ATP6V1E2: variants seen among roughly 807,000 people sequenced by gnomAD.
The protein encoded by ATP6V1E2 is V-type proton ATPase subunit E 2.
For missense variants in ATP6V1E2, 308 were observed against 273.3 expected (o/e 1.13, Z -0.90); for synonymous variants, 121 against 104.2 (o/e 1.16, Z -0.98).
chr2:46,517,582 A>G (rs1358791259), intron 4 of ATP6V1E2, among the ~76,000 whole-genome samples: 3 of 152,264 alleles, frequency 2.0e-5, no homozygotes, highest in Non-Finnish European at 4.4e-5. Context: ...CAAACCGTAT[A>G]TCTCATAAGA....
At chr2:46,527,829 T>A (rs1666998116) in intron 4 of ATP6V1E2, 1 of 152,252 alleles carries the variant, frequency 6.6e-6, no homozygotes, top group Non-Finnish European at 1.5e-5. Flanking sequence ...CTTATCTTCT[T>A]TGGAAACTGT....
chr2:46,534,225 GTTTCT>G (rs1456677181), intron 4 of ATP6V1E2: 2 of 152,076 alleles, frequency 1.3e-5, no homozygotes, highest in Admixed American at 6.5e-5. Context: ...GTGTTTCTGT[GTTTCT>G]TTTGTTTCCT....
In ATP6V1E2 at chr2:46,512,275, G is replaced by A. The variant is rs1412365146; in HGVS notation, c.437C>T (p.Ala146Val). Residue 146 changes from alanine to valine, a missense_variant, in exon 5 of 5, where the codon GCT (alanine) becomes GTT (valine). Ala to Val is a moderately conservative substitution (Grantham distance 64). Coordinates refer to ENST00000522587, the MANE Select transcript of ATP6V1E2 (RefSeq NM_001318063.2). ...CRPQDLLLVEAAVQKAIPEYM... is the reference protein window; with the variant it reads ...CRPQDLLLVEVAVQKAIPEYM... The stretch of plus-strand genomic sequence containing the variant: ...CTCGGGGATGGCTTTTTGTACAGCA[G>A]CCTCCACCAGGAGGAGGTCTTGTGG... The A allele has an allele frequency of 6.2e-7, 1 of 1,612,022 alleles. No homozygotes were observed. The highest frequency in any genetic ancestry group is 8.5e-7 in the Non-Finnish European group (1 of 1,178,766).
chr2:46,532,494 A>G (rs924589742), intron 4 of ATP6V1E2, among the ~76,000 whole-genome samples: 16 of 152,078 alleles, frequency 1.1e-4, no homozygotes, highest in African/African-American at 3.6e-4. Flanking sequence ...TATAGTTTGA[A>G]TGTATGTGTC....
chr2:46,516,845 A>G (rs1292688669), intron 4 of ATP6V1E2, among the ~76,000 whole-genome samples: 1 of 152,208 alleles, frequency 6.6e-6, no homozygotes, highest in Non-Finnish European at 1.5e-5. Flanking sequence ...AAACAAATAA[A>G]TGGAAAGACA....
At chr2:46,516,508 C>T (rs1285630422) in intron 4 of ATP6V1E2, among the ~76,000 whole-genome samples, 1 of 152,126 alleles carries the variant, frequency 6.6e-6, no homozygotes, top group African/African-American at 2.4e-5. Context: ...AAGCAGGAAT[C>T]GCTTGAACCT....
At chr2:46,518,778 G>GTC (rs1444983652) in intron 4 of ATP6V1E2, among the ~76,000 whole-genome samples, 1 of 35,790 alleles carries the variant, frequency 2.8e-5, no homozygotes, top group Non-Finnish European at 5.9e-5. Context: ...GTGTGTGTGT[G>GTC]TGTGTGTGTG....
chr2:46,525,461 C>CA (rs57428249), intron 4 of ATP6V1E2, among the ~76,000 whole-genome samples: 3,002 of 56,054 alleles, frequency 0.054, 173 homozygotes, highest in African/African-American at 0.18. Flanking sequence ...GACTCCGTCT[C>CA]AAAAAAAAAA....
At chr2:46,541,065 C>T (rs1412162983) in intron 2 of ATP6V1E2, among the ~76,000 whole-genome samples, 1 of 152,200 alleles carries the variant, frequency 6.6e-6, no homozygotes, top group Admixed American at 6.5e-5. Context: ...GCTGAGTGCT[C>T]TCCTTTTCAA....
intron 2 of ATP6V1E2, among the ~76,000 whole-genome samples, chr2:46,540,281 G>C (rs1003321262): frequency 1.3e-5 from 2 of 151,916 alleles, no homozygotes; most frequent in Admixed American, 1.3e-4. Context: ...AATTAGCTAG[G>C]CATGATGGCA....
At chr2:46,528,632 G>T (rs1184692992) in intron 4 of ATP6V1E2, among the ~76,000 whole-genome samples, 1 of 152,180 alleles carries the variant, frequency 6.6e-6, no homozygotes, top group Non-Finnish European at 1.5e-5. Flanking sequence ...ATGGGCAGCC[G>T]CTTGGTGTCA....
intron 2 of ATP6V1E2, among the ~76,000 whole-genome samples, chr2:46,538,760 G>A (rs746188199): frequency 1.1e-4 from 16 of 152,004 alleles, no homozygotes; most frequent in Admixed American, 3.3e-4. Flanking sequence ...GGCTCACATC[G>A]CTCAGTTTAG....
At chr2:46,537,577 CTG>C (rs577059587) in intron 2 of ATP6V1E2, 33 of 151,366 alleles carry the variant, frequency 2.2e-4, no homozygotes, top group African/African-American at 6.8e-4. Context: ...AGAAGAAAAA[CTG>C]AGAGATGTGC....
chr2:46,533,147 T>G (rs1191594476), intron 4 of ATP6V1E2, among the ~76,000 whole-genome samples: 1 of 149,826 alleles, frequency 6.7e-6, no homozygotes, highest in Non-Finnish European at 1.5e-5. Flanking sequence ...ACCTAACATA[T>G]TATATATCTA....
intron 4 of ATP6V1E2, among the ~76,000 whole-genome samples, chr2:46,525,399 T>C (rs1305038156): frequency 6.8e-6 from 1 of 147,130 alleles, no homozygotes; most frequent in East Asian, 2.0e-4. Context: ...AAGGCGGAGC[T>C]TGCAGTGAGC....
chr2:46,527,605 G>T (rs1666987965), intron 4 of ATP6V1E2, among the ~76,000 whole-genome samples: 1 of 151,974 alleles, frequency 6.6e-6, no homozygotes, highest in Non-Finnish European at 1.5e-5. Flanking sequence ...GGCCTCAAGT[G>T]ATCCTCCCCT....
chr2:46,541,136 G>A (rs1048468024), intron 2 of ATP6V1E2, among the ~76,000 whole-genome samples: 1 of 152,132 alleles, frequency 6.6e-6, no homozygotes, highest in Non-Finnish European at 1.5e-5. Context: ...TGAACAAATG[G>A]TCCTGCAAGC....
chr2:46,528,686 C>T (rs1202305512), intron 4 of ATP6V1E2, among the ~76,000 whole-genome samples: 1 of 152,214 alleles, frequency 6.6e-6, no homozygotes, highest in Non-Finnish European at 1.5e-5. Context: ...AGACCCCAGT[C>T]CTGATGCTAC....
At chr2:46,539,433 G>GA (rs969724651) in intron 2 of ATP6V1E2, among the ~76,000 whole-genome samples, 1 of 152,232 alleles carries the variant, frequency 6.6e-6, no homozygotes, top group Admixed American at 6.5e-5. Flanking sequence ...TTTGTGGTAA[G>GA]AAAAAAGTGC....
Sources: gnomAD v4.1 joint callset for allele counts (sites outside exome capture counted in the v4.1 genomes callset) on GRCh38, gnomAD v4.1.1 for gene constraint, MANE v1.5 for transcripts, NCBI Gene and HGNC (gene_info 2026-07-23, HGNC 2026-07-21) for gene names.